The following AREL1 variants were observed in gnomAD, a reference collection of about 807,000 sequenced individuals.
The protein encoded by AREL1 is apoptosis resistant E3 ubiquitin protein ligase 1.
Under a neutral mutation model 99.0 loss-of-function variants are expected in AREL1, and 62 were observed. The ratio of observed to expected loss-of-function variants is 0.63; its 90% CI spans 0.51 to 0.77. The LOEUF (loss-of-function observed/expected upper bound fraction) is 0.77, where lower values mean the gene tolerates loss of function less well. AREL1 is among the 30% of genes least tolerant of loss of function. The probability of loss-of-function intolerance (pLI) is 0.00; values close to 1 mark genes in which losing one functional copy is unlikely to be tolerated. For missense variants in AREL1, 879 were observed against 1,027.6 expected, an observed-to-expected ratio of 0.86 and a Z score of 1.98; for synonymous variants, 380 against 376.5, an observed-to-expected ratio of 1.01 and a Z score of -0.11.
At chr14:74,694,298 G>A (rs1252233049) in intron 1 of AREL1, among the ~76,000 whole-genome samples, 4 of 152,102 alleles carry the variant, frequency 2.6e-5, no homozygotes, top group East Asian at 1.9e-4. Flanking sequence ...GACTATATAC[G>A]TAAGCTATAA....
chr14:74,713,061 G>C lies in AREL1; in HGVS notation c.-462C>G. The stretch of plus-strand genomic sequence containing the variant: ...CCCAGAGTTGGTCTCCACCCGGCCT[G>C]GGAACCGGCTCGGGGGATTGCCCTT... On this transcript the variant is annotated 5_prime_UTR_variant, in exon 1 of 20. Coordinates refer to ENST00000356357, the MANE Select transcript of AREL1 (RefSeq NM_001039479.2). The C allele has an allele frequency of 6.5e-7, 1 of 1,548,698 alleles. No homozygotes were observed. The highest frequency in any genetic ancestry group is 8.9e-7 in the Non-Finnish European group (1 of 1,121,302).
chr14:74,669,352 T>C (rs2089279063), intron 15 of AREL1, among the ~76,000 whole-genome samples: 1 of 152,134 alleles, frequency 6.6e-6, no homozygotes, highest in South Asian at 2.1e-4. Flanking sequence ...CAGGACTCGG[T>C]GGGATAGATG....
Position 74,669,978 on chromosome 14 carries a change from G to C in AREL1, c.1757C>G (p.Ala586Gly), listed in dbSNP as rs538040717. 26 of 1,613,430 alleles carry C rather than the reference G, an allele frequency of 1.6e-5. No individual in the cohort carries two copies. The highest frequency in any genetic ancestry group is 2.2e-5 in the Non-Finnish European group (26 of 1,179,578). Residue 586 changes from alanine (A) to glycine (G), a missense_variant, in exon 14 of 20, where the codon GCC becomes GGC. Ala to Gly is a moderately conservative substitution (Grantham distance 60). Coordinates refer to ENST00000356357, the MANE Select transcript of AREL1 (RefSeq NM_001039479.2). The part of the protein sequence containing the change: ...VRARFTRSFL[A>G]QIIGLRMHYK... ...ATGCATACGCAGTCCTATGATTTGGGCCAGGAAAGAGCGGGTGAAGCGAGC... is the reference window on the plus strand; with the variant it reads ...ATGCATACGCAGTCCTATGATTTGGCCCAGGAAAGAGCGGGTGAAGCGAGC...
intron 1 of AREL1, among the ~76,000 whole-genome samples, chr14:74,696,282 T>C (rs546715992): frequency 2.2e-4 from 33 of 152,356 alleles, no homozygotes; most frequent in Non-Finnish European, 4.3e-4. Context: ...CTACCATCTC[T>C]TCTTAGGAAA....
At chr14:74,703,100 G>A (rs377111196) in intron 1 of AREL1, among the ~76,000 whole-genome samples, 14 of 152,220 alleles carry the variant, frequency 9.2e-5, no homozygotes, top group East Asian at 3.9e-4. Flanking sequence ...TTACAGCACC[G>A]CCTCACTCCC....
chr14:74,712,358 G>C (rs2090328765), intron 1 of AREL1, among the ~76,000 whole-genome samples: 1 of 152,114 alleles, frequency 6.6e-6, no homozygotes. Flanking sequence ...AACTGTATGT[G>C]TGCCCATTTT....
intron 8 of AREL1, 87 bp downstream of exon 8, chr14:74,675,612 A>G: frequency 6.6e-7 from 1 of 1,515,238 alleles, no homozygotes; most frequent in South Asian, 1.3e-5. Context: ...TGATTCTCAG[A>G]CTGTTACTTT....
At chr14:74,678,507 A>G (rs1337755537) in intron 5 of AREL1, among the ~76,000 whole-genome samples, 1 of 151,908 alleles carries the variant, frequency 6.6e-6, no homozygotes, top group Non-Finnish European at 1.5e-5. Flanking sequence ...AAAAAAAAAA[A>G]AGAAAAGAAG....
intron 2 of AREL1, among the ~76,000 whole-genome samples, chr14:74,688,019 C>A (rs933769764): frequency 9.2e-6 from 1 of 108,716 alleles, no homozygotes; most frequent in South Asian, 2.9e-4. Context: ...TGAGTACTTA[C>A]TTTTTTTTTT....
chr14:74,702,508 G>T (rs377418415), intron 1 of AREL1, among the ~76,000 whole-genome samples: 4 of 152,284 alleles, frequency 2.6e-5, no homozygotes, highest in African/African-American at 9.6e-5. Context: ...CACACAGCAG[G>T]GGGGACCTGG....
At chr14:74,702,413 C>T (rs1161731192) in intron 1 of AREL1, among the ~76,000 whole-genome samples, 1 of 152,236 alleles carries the variant, frequency 6.6e-6, no homozygotes, top group Admixed American at 6.5e-5. Context: ...CTTGCACCTT[C>T]TGAAGCGATG....
rs545505536 is a variant in AREL1 at position 74,704,649 on chromosome 14, A to G, written c.-334+8284T>C. Reference sequence around the variant, plus strand: ...GCCCCAAGACTTATTTTCCTTTCACATAAATATAAGTCCTTTATTAGATAA... The same window carrying G: ...GCCCCAAGACTTATTTTCCTTTCACGTAAATATAAGTCCTTTATTAGATAA... On this transcript the variant is annotated intron_variant, in intron 1 of 19. Coordinates refer to ENST00000356357, the MANE Select transcript of AREL1 (RefSeq NM_001039479.2). Among the ~76,000 whole-genome samples the G allele has an allele frequency of 4.6e-5, 7 of 152,298 alleles. No individual in the cohort carries two copies. The East Asian group carries it at 1.3e-3, about 29-fold the overall frequency.
intron 1 of AREL1, among the ~76,000 whole-genome samples, chr14:74,699,370 TGTGTGTGA>T (rs1418757411): frequency 2.3e-5 from 3 of 129,802 alleles, no homozygotes; most frequent in South Asian, 2.5e-4. Context: ...TGTGTGTGTG[TGTGTGTGA>T]GAGAGAGAGA....
At chr14:74,683,626 G>C (rs2089684110) in intron 4 of AREL1, 93 bp from the exon 5 acceptor site, 2 of 1,134,598 alleles carry the variant, frequency 1.8e-6, no homozygotes, top group South Asian at 2.7e-5. Flanking sequence ...GTAGCTGGCA[G>C]AGACCACACC....
In AREL1 at chr14:74,713,034, A is replaced by C. The variant is rs1202975490; in HGVS notation, c.-435T>G. 5.9e-6 allele frequency: 7 copies of C among 1,185,616 alleles called. No homozygotes were observed. Among genetic ancestry groups the C allele is most frequent in the Non-Finnish European group, 8.8e-6 (7 of 796,612 alleles). The allele number at this position is 1,185,616 out of a possible 1,614,324, so 73.4% of individuals were successfully genotyped here. On this transcript the variant is annotated 5_prime_UTR_variant, in exon 1 of 20. Coordinates refer to ENST00000356357, the MANE Select transcript of AREL1 (RefSeq NM_001039479.2). ...GGGCTCCCCACTCTCCCACCAACAGACCCCAGAGTTGGTCTCCACCCGGCC... is the reference window on the plus strand; with the variant it reads ...GGGCTCCCCACTCTCCCACCAACAGCCCCCAGAGTTGGTCTCCACCCGGCC...
At chr14:74,680,046 C>T (rs2089594368) in intron 5 of AREL1, among the ~76,000 whole-genome samples, 2 of 149,980 alleles carry the variant, frequency 1.3e-5, no homozygotes, top group South Asian at 4.2e-4. Flanking sequence ...CGTGGTGGTG[C>T]CTGCCTGTAA....
Position 74,670,789 on chromosome 14 carries a change from G to A in AREL1, c.1581C>T (p.Thr527=), listed in dbSNP as rs1352904850. ...ATGCTTGGTTGTTGTCACTGAACCGGGTGAAGAGCTGATTGGTGGTATCAA... is the reference window on the plus strand; with the variant it reads ...ATGCTTGGTTGTTGTCACTGAACCGAGTGAAGAGCTGATTGGTGGTATCAA... The part of the protein sequence containing the change: ...ALFDTTNQLF[T]RFSDNNQALV... The change falls in exon 13 of 20, where the codon ACC becomes ACT. Residue 527 remains threonine (T), a synonymous_variant. Transcript: ENST00000356357. The A allele has an allele frequency of 6.2e-7, 1 of 1,613,928 alleles. No individual in the cohort carries two copies. Among genetic ancestry groups the A allele is most frequent in the Non-Finnish European group, 8.5e-7 (1 of 1,179,974 alleles).
chr14:74,693,401 T>C (rs2089922558), intron 1 of AREL1, among the ~76,000 whole-genome samples: 1 of 152,198 alleles, frequency 6.6e-6, no homozygotes, highest in Non-Finnish European at 1.5e-5. Flanking sequence ...AGTCAGTTTA[T>C]AACTCTCGAA....
chr14:74,674,147 T>C, intron 8 of AREL1, 36 bp from the exon 9 acceptor site: 2 of 1,553,100 alleles, frequency 1.3e-6, no homozygotes, highest in Middle Eastern at 1.7e-4. Context: ...AAGTGAATGA[T>C]AAATAAAAAG....
Sources: gnomAD v4.1 joint callset for allele counts (sites outside exome capture counted in the v4.1 genomes callset) on GRCh38, gnomAD v4.1.1 for gene constraint, MANE v1.5 for transcripts, NCBI Gene and HGNC (gene_info 2026-07-23, HGNC 2026-07-21) for gene names.